SPTAN1: variants seen among roughly 807,000 people sequenced by gnomAD.
SPTAN1 encodes spectrin alpha chain, non-erythrocytic 1.
SPTAN1 carries 61 observed loss-of-function variants against 331.3 expected under a neutral mutation model. The ratio of observed to expected loss-of-function variants is 0.18; its 90% CI spans 0.15 to 0.23. The LOEUF is 0.23. SPTAN1 is among the 10% of genes least tolerant of loss of function. The pLI is 1.00. For synonymous variants in SPTAN1, 1,153 were observed against 1,173.9 expected (o/e 0.98, Z 0.36); for missense variants, 2,043 against 3,147.9 (o/e 0.65, Z 8.40).
At chr9:128,621,629 T>C in intron 45 of SPTAN1, 1 of 342,974 alleles carries the variant, frequency 2.9e-6, no homozygotes, top group Non-Finnish European at 5.7e-6. Context: ...ATTAGATCTT[T>C]GTGTCTGACC....
rs1467040248 is a variant in SPTAN1 at position 128,586,098 on chromosome 9, C to T, written c.2778+133C>T. Reference sequence around the variant, plus strand: ...ATTGTTTTTTAAAATGTTTTGGAATCCATTTTTCACTTGGTTTTTTTTTTT... The same window carrying T: ...ATTGTTTTTTAAAATGTTTTGGAATTCATTTTTCACTTGGTTTTTTTTTTT... On this transcript the variant is annotated intron_variant, in intron 19 of 56. Transcript: ENST00000372739. 6.2e-6 allele frequency: 4 copies of T among 643,644 alleles called. No homozygotes were observed. The East Asian group carries it at 1.3e-4, about 21-fold the overall frequency. The allele number at this position is 643,644 out of a possible 1,614,324, so 39.9% of individuals were successfully genotyped here. A position where few individuals can be genotyped will look rare whatever the true frequency, so the allele number is the denominator to read the frequency against.
intron 26 of SPTAN1, chr9:128,599,355 G>A (rs113164547): frequency 0.013 from 3,932 of 301,072 alleles, 145 homozygotes; most frequent in African/African-American, 0.08. Flanking sequence ...GGCTGGTCTC[G>A]AACTCCCAAC....
At chr9:128,573,205 A>G (rs1457571130) in intron 3 of SPTAN1, among the ~76,000 whole-genome samples, 1 of 152,210 alleles carries the variant, frequency 6.6e-6, no homozygotes, top group African/African-American at 2.4e-5. Context: ...GAATACCAGA[A>G]TGCATCATCT....
chr9:128,605,027 C>T lies in SPTAN1; in HGVS notation c.3720-7C>T, dbSNP rs773023641. On this transcript the variant is annotated splice_region_variant and splice_polypyrimidine_tract_variant and intron_variant, in intron 29 of 56. Coordinates refer to ENST00000372739, the MANE Select transcript of SPTAN1 (RefSeq NM_001130438.3). ...CATTTCTTAACCTGAATGTGTCTCG[C>T]CTTTAGAGATGCTGATGAAACCAAA... is the stretch of plus-strand genomic sequence containing the variant. The T allele has an allele frequency of 2.6e-5, 42 of 1,613,892 alleles. No individual in the cohort carries two copies. The highest frequency in any genetic ancestry group is 1.7e-4 in the Admixed American group (10 of 59,966).
In SPTAN1 at chr9:128,584,455, C is replaced by G; in HGVS notation, c.2367C>G (p.Leu789=). 6.2e-7 allele frequency: 1 copy of G among 1,614,120 alleles called. No homozygotes were observed. Among genetic ancestry groups the G allele is most frequent in the South Asian group, 1.1e-5 (1 of 91,080 alleles). ...CCGATTCTCTGCGGTTGCAGCAGCT[C>G]TTCCGGGATGTTGAGGATGAGGAGA... is the stretch of plus-strand genomic sequence containing the variant. The part of the protein sequence containing the change: ...KLADSLRLQQ[L]FRDVEDEETW... Residue 789 remains leucine, a synonymous_variant, in exon 17 of 57, where the codon CTC becomes CTG. Transcript: ENST00000372739.
chr9:128,570,330 A>T (rs199996370), intron 3 of SPTAN1, among the ~76,000 whole-genome samples: 104 of 71,852 alleles, frequency 1.4e-3, no homozygotes, highest in African/African-American at 5.8e-3. Context: ...ATATATATAT[A>T]TTTTTTTTTT....
chr9:128,599,820 T>C (rs764760515), intron 26 of SPTAN1: 23 of 539,024 alleles, frequency 4.3e-5, no homozygotes, highest in Admixed American at 9.9e-5. Context: ...GGTTTTCTTA[T>C]TAAATTTCTT....
intron 5 of SPTAN1, among the ~76,000 whole-genome samples, chr9:128,576,309 C>G (rs2130995577): frequency 6.6e-6 from 1 of 152,254 alleles, no homozygotes; most frequent in African/African-American, 2.4e-5. Flanking sequence ...TACTCAGACT[C>G]AGGCTGACAA....
chr9:128,568,927 G>T (rs369670645), intron 3 of SPTAN1, 30 bp downstream of exon 3: 1 of 1,613,264 alleles, frequency 6.2e-7, no homozygotes, highest in South Asian at 1.1e-5. Context: ...GGAGTGGATG[G>T]CTTCATCTGG....
chr9:128,579,918 A>G (rs1398720284), intron 10 of SPTAN1, among the ~76,000 whole-genome samples, 180 bp downstream of exon 10: 1 of 152,182 alleles, frequency 6.6e-6, no homozygotes, highest in Non-Finnish European at 1.5e-5. Flanking sequence ...TTCCTGAGAG[A>G]CAGTCCTCCT....
At position 128,583,287 on chromosome 9, in the gene SPTAN1, A is replaced by C; in HGVS notation, c.2011+6A>C. The C allele has an allele frequency of 6.2e-7, 1 of 1,613,316 alleles. No individual in the cohort carries two copies. Among genetic ancestry groups the C allele is most frequent in the Non-Finnish European group, 8.5e-7 (1 of 1,179,852 alleles). The stretch of plus-strand genomic sequence containing the variant: ...AGAGGCCACTGAACTGAAAGGTAAG[A>C]GATGTTCCATTGAATTGTGACATGC... On this transcript the variant is annotated splice_donor_region_variant and intron_variant, in intron 15 of 56. Coordinates refer to ENST00000372739, the MANE Select transcript of SPTAN1 (RefSeq NM_001130438.3).
Position 128,603,567 on chromosome 9 carries a change from G to A in SPTAN1, c.3604G>A (p.Val1202Met), listed in dbSNP as rs1312920158. 9.3e-6 allele frequency: 15 copies of A among 1,614,154 alleles called. No homozygotes were observed. The highest frequency in any genetic ancestry group is 1.1e-5 in the South Asian group (1 of 91,080). The change falls in exon 28 of 57, where the codon GTG becomes ATG. Residue 1202 changes from valine (V) to methionine (M), a missense_variant. Physicochemically the swap from Val to Met is conservative, Grantham distance 21. Coordinates refer to ENST00000372739, the MANE Select transcript of SPTAN1 (RefSeq NM_001130438.3). ...GTCTGCTCGTCTGATGGTTCACACC[G>A]TGGCCACCTTTAATTCCATCAAGGT... ...WKSARLMVHTVATFNSIKELN... is the reference protein window; with the variant it reads ...WKSARLMVHTMATFNSIKELN...
chr9:128,583,012 G>A lies in SPTAN1; in HGVS notation c.1807-65G>A, dbSNP rs569205795. ...TTCCTCCATAAAGATAAGTATGAAG[G>A]TAGTGCAAGGGAACTTGACGTTCTC... is the stretch of plus-strand genomic sequence containing the variant. On this transcript the variant is annotated intron_variant, in intron 14 of 56. Transcript: ENST00000372739. 3.3e-5 allele frequency: 53 copies of A among 1,585,772 alleles called. No homozygotes were observed. The African/African-American group carries it at 5.2e-4, about 16-fold the overall frequency.
chr9:128,604,320 C>A lies in SPTAN1; in HGVS notation c.3628-6C>A. ...GCAGTGGAGCTGATGTTTTGCTGTCCTGCAGGAGCTGAATGAGCGCTGGCG... is the reference window on the plus strand; with the variant it reads ...GCAGTGGAGCTGATGTTTTGCTGTCATGCAGGAGCTGAATGAGCGCTGGCG... On this transcript the variant is annotated splice_polypyrimidine_tract_variant and splice_region_variant and intron_variant, in intron 28 of 56. Coordinates refer to ENST00000372739, the MANE Select transcript of SPTAN1 (RefSeq NM_001130438.3). 1 of 1,613,888 alleles carries A rather than the reference C, an allele frequency of 6.2e-7. No individual in the cohort carries two copies. Among genetic ancestry groups the A allele is most frequent in the South Asian group, 1.1e-5 (1 of 90,986 alleles).
intron 18 of SPTAN1, among the ~76,000 whole-genome samples, 157 bp downstream of exon 18, chr9:128,585,000 T>C (rs1319618365): frequency 6.6e-6 from 1 of 151,072 alleles, no homozygotes; most frequent in Non-Finnish European, 1.5e-5. Context: ...CCTTACCCTT[T>C]CTGAGCCTGA....
intron 19 of SPTAN1, 29 bp from the exon 20 acceptor site, chr9:128,587,577 C>G (rs775227647): frequency 6.2e-7 from 1 of 1,604,012 alleles, no homozygotes; most frequent in East Asian, 2.2e-5. Context: ...AGCCCCTGCA[C>G]AGTGCTCCAT....
intron 30 of SPTAN1, 47 bp from the exon 31 acceptor site, chr9:128,605,249 G>A: frequency 6.2e-7 from 1 of 1,614,044 alleles, no homozygotes; most frequent in South Asian, 1.1e-5. Context: ...CTGTTCTGCA[G>A]AGCATACCCC....
chr9:128,604,214 G>A (rs985566416), intron 28 of SPTAN1, 112 bp from the exon 29 acceptor site: 136 of 1,122,590 alleles, frequency 1.2e-4, no homozygotes, highest in Non-Finnish European at 1.8e-4. Context: ...TTGGAAACAG[G>A]AAATTATATA....
At chr9:128,597,637 GTTTGTTTTGTTTTGTT>G (rs751936849) in intron 24 of SPTAN1, among the ~76,000 whole-genome samples, 2 of 151,680 alleles carry the variant, frequency 1.3e-5, no homozygotes, top group African/African-American at 2.4e-5. Context: ...AGCTTTTTTT[GTTTGTTTTGTTTTGTT>G]TTTGTTTTGT....
Sources: allele counts gnomAD v4.1 joint callset (sites outside exome capture counted in the v4.1 genomes callset), GRCh38; gene constraint gnomAD v4.1.1; transcripts MANE v1.5; gene names NCBI Gene and HGNC (gene_info 2026-07-23, HGNC 2026-07-21).